RRP9: variants seen among roughly 807,000 people sequenced by gnomAD.
RRP9 encodes the protein U3 small nucleolar RNA-interacting protein 2.
In RRP9, 35 loss-of-function variants were observed where a neutral mutation model predicts 65.5. That is an observed-to-expected ratio of 0.53 (90% CI 0.41 to 0.71). RRP9 has a LOEUF of 0.71. Among genes scored for constraint, RRP9 ranks in the 30% least tolerant of loss-of-function variants. RRP9 has a pLI of 0.00. For synonymous variants in RRP9, 254 were observed against 245.0 expected (o/e 1.04, Z -0.34); for missense variants, 533 against 633.6 (o/e 0.84, Z 1.70).
Position 51,936,476 on chromosome 3 carries a change from G to A in RRP9, c.597C>T (p.Ser199=), listed in dbSNP as rs776271830. The change falls in exon 7 of 15, where the codon AGC becomes AGT. Residue 199 remains serine, a synonymous_variant. Transcript: ENST00000232888. ...AGATGGCCATGCAGAGGACGTGGCT[G>A]CTGTGGCCAGGGGGCTTTCCCTCGG... ...KGAEGKPPGH[S]SHVLCMAISS... is the part of the protein sequence containing the mutation. The A allele has an allele frequency of 3.7e-5, 59 of 1,614,248 alleles. No homozygotes were observed. The highest frequency in any genetic ancestry group is 4.8e-5 in the Non-Finnish European group (57 of 1,180,048).
chr3:51,934,388 A>G lies in RRP9; in HGVS notation c.1260+84T>C. 5 of 1,410,386 alleles carry G rather than the reference A, an allele frequency of 3.5e-6. No homozygotes were observed. Among genetic ancestry groups the G allele is most frequent in the Non-Finnish European group, 4.8e-6 (5 of 1,033,602 alleles). The allele number at this position is 1,410,386 out of a possible 1,614,324, so 87.4% of individuals were successfully genotyped here. A position where few individuals can be genotyped will look rare whatever the true frequency, so the allele number is the denominator to read the frequency against. ...TGCCCTGAGAAGGTTCCCTTCTGGC[A>G]GGAAGAAAGACCTTAAAGAGCTAAC... On this transcript the variant is annotated intron_variant, in intron 13 of 14. Coordinates refer to ENST00000232888, the MANE Select transcript of RRP9 (RefSeq NM_004704.5). This position sits in a 1 kb window ranked among gnomAD's most constrained non-coding sequence, Gnocchi z 4.1.
At position 51,941,877 on chromosome 3, in the gene RRP9, C is replaced by A; in HGVS notation, c.-10G>T. 1.3e-6 allele frequency: 2 copies of A among 1,573,746 alleles called. No homozygotes were observed. Among genetic ancestry groups the A allele is most frequent in the Non-Finnish European group, 1.7e-6 (2 of 1,167,484 alleles). On this transcript the variant is annotated 5_prime_UTR_variant, in exon 1 of 15. Transcript: ENST00000232888. Reference sequence around the variant, plus strand: ...CCGCTGTTGCCGACATGCTGCCCACCAGGCGTGTAGCAGCGGCCGCAGAAC... The same window carrying A: ...CCGCTGTTGCCGACATGCTGCCCACAAGGCGTGTAGCAGCGGCCGCAGAAC...
In RRP9 at chr3:51,933,477, G is replaced by A. The variant is rs1699413520; in HGVS notation, c.*29C>T. ...ACAAAGAGGGTGGGGCATAGCCTGG[G>A]AAGGACTTAAATAAGGAGGATAAGA... is the stretch of plus-strand genomic sequence containing the variant. On this transcript the variant is annotated 3_prime_UTR_variant, in exon 15 of 15. Transcript: ENST00000232888. The A allele has an allele frequency of 5.7e-6, 9 of 1,579,360 alleles. No individual in the cohort carries two copies. The highest frequency in any genetic ancestry group is 7.8e-6 in the Non-Finnish European group (9 of 1,148,984).
Position 51,933,481 on chromosome 3 carries a change from G to A in RRP9, c.*25C>T. 2.5e-6 allele frequency: 4 copies of A among 1,587,828 alleles called. No homozygotes were observed. The highest frequency in any genetic ancestry group is 1.7e-4 in the Middle Eastern group (1 of 6,002). ...AGAGGGTGGGGCATAGCCTGGGAAG[G>A]ACTTAAATAAGGAGGATAAGAGTGT... On this transcript the variant is annotated 3_prime_UTR_variant, in exon 15 of 15. Transcript: ENST00000232888.
At chr3:51,936,392 C>G in intron 7 of RRP9, 39 bp downstream of exon 7, 4 of 1,614,214 alleles carry the variant, frequency 2.5e-6, no homozygotes, top group Non-Finnish European at 3.4e-6. Flanking sequence ...CACCATGCAC[C>G]AGACCTCCCG....
At position 51,941,420 on chromosome 3, in the gene RRP9, A is replaced by C; in HGVS notation, c.159T>G (p.Ser53=). The stretch of plus-strand genomic sequence containing the variant: ...AAAGAATAGCTCACCTCTCGCTCTC[A>C]GAGTCGCTGGAGATCTCCTCATTCA... The part of the protein sequence containing the change: ...GKMNEEISSD[S]ESESLAPRKP... Residue 53 remains serine (S), a synonymous_variant, in exon 2 of 15, where the codon TCT becomes TCG. Coordinates refer to ENST00000232888, the MANE Select transcript of RRP9 (RefSeq NM_004704.5). 1.2e-6 allele frequency: 2 copies of C among 1,614,064 alleles called. No homozygotes were observed. The highest frequency in any genetic ancestry group is 1.3e-5 in the African/African-American group (1 of 75,022).
Position 51,934,828 on chromosome 3 carries a change from C to G in RRP9, c.1035-52G>C. The G allele has an allele frequency of 6.3e-7, 1 of 1,575,742 alleles. No individual in the cohort carries two copies. The highest frequency in any genetic ancestry group is 8.6e-7 in the Non-Finnish European group (1 of 1,156,436). ...TGAGGGGGCCAGAGGCAGAAAAGGC[C>G]CCCTGTGTAACACAAAGGATTAATG... On this transcript the variant is annotated intron_variant, in intron 11 of 14. Transcript: ENST00000232888. This position sits in a 1 kb window ranked among gnomAD's most constrained non-coding sequence, Gnocchi z 4.1.
chr3:51,941,415 C>T lies in RRP9; in HGVS notation c.164G>A (p.Ser55Asn). 6.2e-7 allele frequency: 1 copy of T among 1,614,096 alleles called. No homozygotes were observed. Among genetic ancestry groups the T allele is most frequent in the Non-Finnish European group, 8.5e-7 (1 of 1,179,930 alleles). ...GTGGAAAAGAATAGCTCACCTCTCG[C>T]TCTCAGAGTCGCTGGAGATCTCCTC... is the stretch of plus-strand genomic sequence containing the variant. ...MNEEISSDSE[S>N]ESLAPRKPEE... Residue 55 changes from serine (S) to asparagine (N), a missense_variant, in exon 2 of 15, where the codon AGC (serine) becomes AAC (asparagine). By Grantham distance (46) the Ser-to-Asn change is conservative (BLOSUM62 1). This residue lies in a region of RRP9 where 7 missense variants were observed against 22.5 expected (regional missense o/e 0.31). Coordinates refer to ENST00000232888, the MANE Select transcript of RRP9 (RefSeq NM_004704.5).
In RRP9 at chr3:51,934,825, G is replaced by A. The variant is rs1303723864; in HGVS notation, c.1035-49C>T. The A allele has an allele frequency of 1.3e-6, 2 of 1,580,764 alleles. No individual in the cohort carries two copies. Among genetic ancestry groups the A allele is most frequent in the African/African-American group, 1.3e-5 (1 of 74,288 alleles). ...CAGTGAGGGGGCCAGAGGCAGAAAAGGCCCCCTGTGTAACACAAAGGATTA... is the reference window on the plus strand; with the variant it reads ...CAGTGAGGGGGCCAGAGGCAGAAAAAGCCCCCTGTGTAACACAAAGGATTA... On this transcript the variant is annotated intron_variant, in intron 11 of 14. Coordinates refer to ENST00000232888, the MANE Select transcript of RRP9 (RefSeq NM_004704.5). The surrounding 1 kb of genome is among the most constrained non-coding windows in gnomAD (Gnocchi z 4.1).
chr3:51,937,250 G>A lies in RRP9; in HGVS notation c.459C>T (p.Val153=), dbSNP rs745635865. 16 of 1,613,918 alleles carry A rather than the reference G, an allele frequency of 9.9e-6. No individual in the cohort carries two copies. The highest frequency in any genetic ancestry group is 4.4e-5 in the South Asian group (4 of 91,030). Reference sequence around the variant, plus strand: ...AGATGGCTGAGTCATCGGGGGTGACGACCAAACATGTGATAGAGAGCTGGT... The same window carrying A: ...AGATGGCTGAGTCATCGGGGGTGACAACCAAACATGTGATAGAGAGCTGGT... ...RGHQLSITCL[V]VTPDDSAIFS... Residue 153 remains valine, a synonymous_variant, in exon 6 of 15, where the codon GTC becomes GTT. Transcript: ENST00000232888. The surrounding 1 kb of genome is among the most constrained non-coding windows in gnomAD (Gnocchi z 5.0).
Position 51,938,132 on chromosome 3 carries a change from G to A in RRP9, c.243C>T (p.Arg81=). The A allele has an allele frequency of 6.2e-7, 1 of 1,608,944 alleles. No individual in the cohort carries two copies. Among genetic ancestry groups the A allele is most frequent in the East Asian group, 2.2e-5 (1 of 44,834 alleles). The change falls in exon 3 of 15, where the codon CGC becomes CGT. Residue 81 remains arginine (R), a synonymous_variant. Transcript: ENST00000232888. ...GCTGCTCTAGGTAGAGCTTGGCCAA[G>A]CGCAGCTTCTTTTCCTGTGCAGTTT... The part of the protein sequence containing the change: ...LEETAQEKKL[R]LAKLYLEQLR...
intron 11 of RRP9, 111 bp downstream of exon 11, chr3:51,935,086 G>T: frequency 8.5e-7 from 1 of 1,169,990 alleles, no homozygotes; most frequent in Non-Finnish European, 1.3e-6. Context: ...CATGAAAAGA[G>T]GTTACAACAG....
At position 51,935,250 on chromosome 3, in the gene RRP9, G is replaced by T. The variant is rs934457940; in HGVS notation, c.981C>A (p.Ile327=). ...QLVFYGHQGS[I]DCIHLINEEH... ...CCTCATTGATTAGGTGGATGCAGTC[G>T]ATGGAGCCCCTGGAGAAAGGGGCTG... Residue 327 remains isoleucine, a synonymous_variant, in exon 11 of 15, where the codon ATC becomes ATA. Coordinates refer to ENST00000232888, the MANE Select transcript of RRP9 (RefSeq NM_004704.5). The T allele has an allele frequency of 6.2e-7, 1 of 1,614,192 alleles. No individual in the cohort carries two copies. Among genetic ancestry groups the T allele is most frequent in the East Asian group, 2.2e-5 (1 of 44,870 alleles).
intron 2 of RRP9, among the ~76,000 whole-genome samples, chr3:51,940,169 T>G (rs1699503905): frequency 6.6e-6 from 1 of 151,764 alleles, no homozygotes; most frequent in Non-Finnish European, 1.5e-5. Context: ...GGCAGGAGAA[T>G]CACTTGAACC....
Position 51,936,359 on chromosome 3 carries a change from T to C in RRP9, c.643-10A>G. The C allele has an allele frequency of 6.2e-7, 1 of 1,614,144 alleles. No homozygotes were observed. Among genetic ancestry groups the C allele is most frequent in the Non-Finnish European group, 8.5e-7 (1 of 1,180,012 alleles). On this transcript the variant is annotated splice_polypyrimidine_tract_variant and intron_variant, in intron 7 of 14. Coordinates refer to ENST00000232888, the MANE Select transcript of RRP9 (RefSeq NM_004704.5). The stretch of plus-strand genomic sequence containing the variant: ...TGCGGTCACCAGAGGCCTGCAGGGA[T>C]GAAGACAATGATCACAGGCACCCAC...
Position 51,935,273 on chromosome 3 carries a change from C to T in RRP9, c.972-14G>A, listed in dbSNP as rs761781002. On this transcript the variant is annotated splice_polypyrimidine_tract_variant and intron_variant, in intron 10 of 14. Coordinates refer to ENST00000232888, the MANE Select transcript of RRP9 (RefSeq NM_004704.5). ...TCGATGGAGCCCCTGGAGAAAGGGG[C>T]TGTGAGGAGCGTGGCCCAAGCCCAC... 6.2e-7 allele frequency: 1 copy of T among 1,614,170 alleles called. No homozygotes were observed. The highest frequency in any genetic ancestry group is 8.5e-7 in the Non-Finnish European group (1 of 1,180,018).
chr3:51,941,129 C>T (rs1699518686), intron 2 of RRP9, among the ~76,000 whole-genome samples: 1 of 152,228 alleles, frequency 6.6e-6, no homozygotes, highest in Non-Finnish European at 1.5e-5. Context: ...AAATACTTGA[C>T]AGCTTTGTTC....
Position 51,936,289 on chromosome 3 carries a change from A to T in RRP9, c.703T>A (p.Tyr235Asn). The change falls in exon 8 of 15, where the codon TAC becomes AAC. Residue 235 changes from tyrosine (Y) to asparagine (N), a missense_variant. This residue lies in a region of RRP9 where 449 missense variants were observed against 550.6 expected (regional missense o/e 0.82). Transcript: ENST00000232888. ...IWEAQSCQHLYTFTGHRDAVS... is the reference protein window; with the variant it reads ...IWEAQSCQHLNTFTGHRDAVS... ...GCATCCCGGTGTCCTGTGAAGGTGTACAAGTGCTGGCAGCTCTGGGCCTCC... is the reference window on the plus strand; with the variant it reads ...GCATCCCGGTGTCCTGTGAAGGTGTTCAAGTGCTGGCAGCTCTGGGCCTCC... 1 of 1,614,168 alleles carries T rather than the reference A, an allele frequency of 6.2e-7. No individual in the cohort carries two copies. The highest frequency in any genetic ancestry group is 8.5e-7 in the Non-Finnish European group (1 of 1,180,030).
At chr3:51,941,304 G>T in intron 2 of RRP9, 105 bp downstream of exon 2, 2 of 988,912 alleles carry the variant, frequency 2.0e-6, no homozygotes, top group Non-Finnish European at 1.6e-6. Context: ...AGAGCCAAGG[G>T]ACAGAGTCTT....
Sources: gnomAD v4.1 joint callset for allele counts (sites outside exome capture counted in the v4.1 genomes callset) on GRCh38, gnomAD v4.1.1 for gene constraint, gnomAD v4.1.1 regional missense constraint, Gnocchi (gnomAD v3.1) non-coding constraint, MANE v1.5 for transcripts, NCBI Gene and HGNC (gene_info 2026-07-23, HGNC 2026-07-21) for gene names.